Variants in DGKB observed in about 807,000 individuals in gnomAD.
The protein encoded by DGKB is diacylglycerol kinase beta, also known as 90 kDa diacylglycerol kinase.
Under a neutral mutation model 114.3 loss-of-function variants are expected in DGKB, and 67 were observed. The ratio of observed to expected loss-of-function variants is 0.59; its 90% CI spans 0.48 to 0.72. The LOEUF is 0.72. DGKB is among the 30% of genes least tolerant of loss of function. The pLI is 0.00. For missense variants in DGKB, 907 were observed against 975.2 expected (o/e 0.93, Z 0.93); for synonymous variants, 398 against 323.1 (o/e 1.23, Z -2.49).
chr7:14,648,003 G>C (rs973357990), intron 13 of DGKB, among the ~76,000 whole-genome samples: 1 of 152,222 alleles, frequency 6.6e-6, no homozygotes, highest in Non-Finnish European at 1.5e-5. Flanking sequence ...TACGCCCACG[G>C]AGTCTCGCTG....
chr7:14,529,496 TATA>T (rs1791204117), intron 20 of DGKB, among the ~76,000 whole-genome samples: 1 of 151,780 alleles, frequency 6.6e-6, no homozygotes, highest in African/African-American at 2.4e-5. Context: ...ATGAAGTAAT[TATA>T]ATAATATTTT....
At chr7:14,603,195 G>A (rs1803872773) in intron 17 of DGKB, among the ~76,000 whole-genome samples, 1 of 152,086 alleles carries the variant, frequency 6.6e-6, no homozygotes, top group Non-Finnish European at 1.5e-5. Flanking sequence ...CAGTGACCAA[G>A]GCAGAATCAG....
chr7:14,689,196 C>CTTTTTTTTT (rs1554599070), intron 9 of DGKB, among the ~76,000 whole-genome samples: 47 of 80,256 alleles, frequency 5.9e-4, no homozygotes, highest in African/African-American at 1.0e-3. Context: ...AGAAACTCCT[C>CTTTTTTTTT]TTATTTTTTT....
At chr7:14,922,904 A>G (rs1784578383) in intron 1 of DGKB, among the ~76,000 whole-genome samples, 1 of 152,192 alleles carries the variant, frequency 6.6e-6, no homozygotes, top group Non-Finnish European at 1.5e-5. Context: ...TGAAATAGAC[A>G]ACATATTATT....
chr7:14,611,517 G>C (rs920433151), intron 16 of DGKB, among the ~76,000 whole-genome samples: 1 of 152,094 alleles, frequency 6.6e-6, no homozygotes, highest in African/African-American at 2.4e-5. Context: ...TGCCTCTTAT[G>C]CAGGCAGAAA....
intron 4 of DGKB, among the ~76,000 whole-genome samples, chr7:14,742,783 A>C (rs2128415270): frequency 6.6e-6 from 1 of 152,328 alleles, no homozygotes; most frequent in Admixed American, 6.5e-5. Flanking sequence ...CACCACTGAA[A>C]ATAGATTGAC....
intron 21 of DGKB, among the ~76,000 whole-genome samples, chr7:14,348,102 GTCCCGTCACCACAAGGT>G (rs1385128374): frequency 6.6e-6 from 1 of 151,912 alleles, no homozygotes; most frequent in Non-Finnish European, 1.5e-5. Context: ...ATGCAGAACA[GTCCCGTCACCACAAGGT>G]TCCCTCATGT....
intron 13 of DGKB, among the ~76,000 whole-genome samples, chr7:14,641,262 GA>G (rs1811736696): frequency 4.0e-5 from 1 of 24,958 alleles, no homozygotes; most frequent in African/African-American, 1.1e-4. Flanking sequence ...ACAATATAGG[GA>G]TTTGGTTTAC....
chr7:14,527,005 T>C (rs531504878), intron 20 of DGKB, among the ~76,000 whole-genome samples: 1 of 152,266 alleles, frequency 6.6e-6, no homozygotes, highest in Non-Finnish European at 1.5e-5. Flanking sequence ...GGAACCTCTA[T>C]TTTATGCTAA....
intron 23 of DGKB, among the ~76,000 whole-genome samples, chr7:14,259,468 G>A (rs193160363): frequency 1.4e-3 from 207 of 149,310 alleles, no homozygotes; most frequent in East Asian, 7.9e-3. Context: ...GCTCTGTCAC[G>A]CAGGCTGGAG....
chr7:14,584,955 G>A (rs375337738), intron 17 of DGKB, among the ~76,000 whole-genome samples: 21 of 152,006 alleles, frequency 1.4e-4, no homozygotes, highest in South Asian at 1.2e-3. Flanking sequence ...CCACCTTGCC[G>A]GGCGAGATGT....
At chr7:14,895,527 G>T (rs1340397091) in intron 1 of DGKB, among the ~76,000 whole-genome samples, 1 of 151,522 alleles carries the variant, frequency 6.6e-6, no homozygotes, top group Non-Finnish European at 1.5e-5. Context: ...TCCTTTCACA[G>T]CACTATTACA....
chr7:14,568,527 T>A (rs182852476), intron 20 of DGKB, among the ~76,000 whole-genome samples: 141 of 152,270 alleles, frequency 9.3e-4, no homozygotes, highest in African/African-American at 3.2e-3. Context: ...GCCATTCAGT[T>A]GTTGAATAGA....
chr7:14,181,017 A>G (rs1016743539), intron 23 of DGKB, among the ~76,000 whole-genome samples: 5 of 152,166 alleles, frequency 3.3e-5, no homozygotes, highest in Non-Finnish European at 7.4e-5. Flanking sequence ...CCCTTTTTGT[A>G]TGGCTCACAA....
At chr7:14,414,455 A>G (rs1272393883) in intron 21 of DGKB, among the ~76,000 whole-genome samples, 2 of 152,168 alleles carry the variant, frequency 1.3e-5, no homozygotes, top group African/African-American at 2.4e-5. Flanking sequence ...GCCCTTCCCT[A>G]GAAGCCAGGC....
chr7:14,525,458 A>G (rs1389299545), intron 20 of DGKB, among the ~76,000 whole-genome samples: 1 of 152,220 alleles, frequency 6.6e-6, no homozygotes, highest in Non-Finnish European at 1.5e-5. Context: ...TATTTATACC[A>G]TCTTGAAAAG....
rs934985380 is a variant in DGKB at position 14,743,501 on chromosome 7, T to C, written c.169-7307A>G. Reference sequence around the variant, plus strand: ...CCCAAATCAAATTTCAGCTTCAAGGTTGTCTTTCCTGACCCCTAGCTTTTG... The same window carrying C: ...CCCAAATCAAATTTCAGCTTCAAGGCTGTCTTTCCTGACCCCTAGCTTTTG... On this transcript the variant is annotated intron_variant, in intron 4 of 25. Coordinates refer to ENST00000402815, the MANE Select transcript of DGKB (RefSeq NM_001350709.2). Among the ~76,000 whole-genome samples the C allele has an allele frequency of 2.6e-5, 4 of 152,298 alleles. No homozygotes were observed. The East Asian group carries it at 7.7e-4, about 29-fold the overall frequency.
intron 20 of DGKB, among the ~76,000 whole-genome samples, chr7:14,493,095 T>G (rs2128936882): frequency 6.6e-6 from 1 of 152,228 alleles, no homozygotes; most frequent in African/African-American, 2.4e-5. Flanking sequence ...GTTCTCTAAT[T>G]AGGCAAGTAT....
At chr7:14,808,481 A>T (rs1280942033) in intron 2 of DGKB, among the ~76,000 whole-genome samples, 1 of 152,086 alleles carries the variant, frequency 6.6e-6, no homozygotes, top group Non-Finnish European at 1.5e-5. Flanking sequence ...TAATAAGATA[A>T]GATTAACTAG....
Sources: allele counts gnomAD v4.1 joint callset (sites outside exome capture counted in the v4.1 genomes callset), GRCh38; gene constraint gnomAD v4.1.1; transcripts MANE v1.5; gene names NCBI Gene and HGNC (gene_info 2026-07-23, HGNC 2026-07-21).